HPSE2: variants seen among roughly 807,000 people sequenced by gnomAD.
HPSE2 encodes heparanase 2 (inactive).
Under a neutral mutation model 60.5 loss-of-function variants are expected in HPSE2, and 38 were observed. The observed-to-expected ratio is 0.63, with a 90% CI of 0.48 to 0.82. HPSE2 has a LOEUF of 0.82. Ranked by LOEUF, HPSE2 falls within the 40% of genes least tolerant of loss-of-function variation. HPSE2 has a pLI of 0.00. For synonymous variants in HPSE2, 295 were observed against 293.2 expected, an observed-to-expected ratio of 1.01 and a Z score of -0.06; for missense variants, 713 against 740.4, an observed-to-expected ratio of 0.96 and a Z score of 0.43.
Position 99,139,078 on chromosome 10 carries a change from T to C in HPSE2, c.610+5160A>G, listed in dbSNP as rs1845769222. 2.0e-5 allele frequency among the ~76,000 whole-genome samples: 3 copies of C among 152,162 alleles called. No individual in the cohort carries two copies. The South Asian group carries it at 6.2e-4, about 31-fold the overall frequency. ...ATAAGTGGATAAAGAAAATGGGACATATATACCATGAAATACTACTCAGCC... is the reference window on the plus strand; with the variant it reads ...ATAAGTGGATAAAGAAAATGGGACACATATACCATGAAATACTACTCAGCC... On this transcript the variant is annotated intron_variant, in intron 3 of 11. Coordinates refer to ENST00000370552, the MANE Select transcript of HPSE2 (RefSeq NM_021828.5).
At chr10:99,243,776 A>T in the HPSE2 span, among the ~76,000 whole-genome samples, 1 of 151,950 alleles carries the variant, frequency 6.6e-6, no homozygotes. Flanking sequence ...TCTCTACTAA[A>T]AGTACAAAAC....
intron 9 of HPSE2, among the ~76,000 whole-genome samples, chr10:98,518,503 C>T (rs1479617751): frequency 1.3e-5 from 2 of 151,910 alleles, no homozygotes; most frequent in Non-Finnish European, 2.9e-5. Flanking sequence ...GTCAGGAATT[C>T]GAGACCAACC....
rs191379043 is a variant in HPSE2 at position 98,625,115 on chromosome 10, A to G, written c.1099-4407T>C. ...ACAGGAGACTGTGTGTAACACAAAG[A>G]AGTTAATGCAATTCCATACCTGCCC... On this transcript the variant is annotated intron_variant, in intron 7 of 11. Transcript: ENST00000370552. Among the ~76,000 whole-genome samples, 198 of 152,382 alleles carry G rather than the reference A, an allele frequency of 1.3e-3. 4 individuals are homozygous for G. The South Asian group carries it at 0.026, about 20-fold the overall frequency.
At chr10:98,547,466 T>C (rs1156793992) in intron 9 of HPSE2, among the ~76,000 whole-genome samples, 2 of 150,302 alleles carry the variant, frequency 1.3e-5, no homozygotes, top group Non-Finnish European at 3.0e-5. Context: ...CATGGAATAC[T>C]ATGCAGCCAT....
In HPSE2 at chr10:98,762,700, T is replaced by C. The variant is rs1045748815; in HGVS notation, c.611-18644A>G. On this transcript the variant is annotated intron_variant, in intron 3 of 11. Transcript: ENST00000370552. Reference sequence around the variant, plus strand: ...AATTTACAGTCTGAACATAACCACATTGATCCCATACTTTTAAAAAAAAAT... The same window carrying C: ...AATTTACAGTCTGAACATAACCACACTGATCCCATACTTTTAAAAAAAAAT... Among the ~76,000 whole-genome samples, 5 of 93,392 alleles carry C rather than the reference T, an allele frequency of 5.4e-5. No individual in the cohort carries two copies. In the South Asian group the frequency reaches 1.2e-3, roughly 22 times the overall value. The allele number at this position is 93,392 out of a possible 152,430, so 61.3% of individuals were successfully genotyped here. A position where few individuals can be genotyped will look rare whatever the true frequency, so the allele number is the denominator to read the frequency against.
chr10:98,527,929 A>C (rs964376091), intron 9 of HPSE2, among the ~76,000 whole-genome samples: 4 of 152,200 alleles, frequency 2.6e-5, no homozygotes, highest in Non-Finnish European at 5.9e-5. Flanking sequence ...AATGTACCTG[A>C]ATAGTAAACT....
intron 11 of HPSE2, among the ~76,000 whole-genome samples, chr10:98,476,335 A>AGG (rs1215596172): frequency 1.0e-5 from 1 of 95,450 alleles, no homozygotes; most frequent in Admixed American, 1.3e-4. Flanking sequence ...GGGTGGGGGG[A>AGG]GGGGAGGGAT....
chr10:99,261,180 C>G, the HPSE2 span, among the ~76,000 whole-genome samples: 2 of 152,152 alleles, frequency 1.3e-5, no homozygotes, highest in African/African-American at 4.8e-5. Flanking sequence ...TCTGTTCCTT[C>G]AGTCTCCACC....
In HPSE2 at chr10:98,643,793, C is replaced by G. The variant is rs1946698222; in HGVS notation, c.1005-1853G>C. Among the ~76,000 whole-genome samples, 3 of 152,216 alleles carry G rather than the reference C, an allele frequency of 2.0e-5. No homozygotes were observed. In the South Asian group the frequency reaches 6.2e-4, roughly 32 times the overall value. On this transcript the variant is annotated intron_variant, in intron 6 of 11. Transcript: ENST00000370552. ...GTGTTAAAATTAAAAATAATTTATG[C>G]AATGCTAATCTAACACACATTTGAG...
chr10:99,067,845 C>T (rs935323403), intron 3 of HPSE2, among the ~76,000 whole-genome samples: 2 of 152,230 alleles, frequency 1.3e-5, no homozygotes, highest in African/African-American at 4.8e-5. Context: ...AATTTCTCCT[C>T]AGAAAATGGG....
At chr10:99,235,939 C>T, upstream of HPSE2, 1 of 672,580 alleles carries the variant, frequency 1.5e-6, no homozygotes, top group East Asian at 2.9e-5. Context: ...CACACACACA[C>T]TCTCTCTCTC....
intron 4 of HPSE2, among the ~76,000 whole-genome samples, chr10:98,725,877 A>G (rs1949062938): frequency 6.6e-6 from 1 of 152,228 alleles, no homozygotes; most frequent in Non-Finnish European, 1.5e-5. Context: ...CAAAAAACAC[A>G]TGAAAAAATG....
the HPSE2 span, among the ~76,000 whole-genome samples, chr10:99,271,200 A>G: frequency 2.0e-4 from 31 of 152,222 alleles, no homozygotes; most frequent in African/African-American, 7.2e-4. Context: ...CAGACTGTCA[A>G]TGTTTGCTGA....
chr10:98,958,432 T>C (rs1350881933), intron 3 of HPSE2, among the ~76,000 whole-genome samples: 3 of 152,092 alleles, frequency 2.0e-5, no homozygotes, highest in African/African-American at 4.8e-5. Context: ...CAGGAAAAGT[T>C]GAACTTTGAT....
chr10:99,280,982 C>T, the HPSE2 span, among the ~76,000 whole-genome samples: 1 of 152,074 alleles, frequency 6.6e-6, no homozygotes, highest in South Asian at 2.1e-4. Context: ...GGGCAGATTA[C>T]TTAACTTTCT....
chr10:99,224,561 T>C (rs940861262), intron 2 of HPSE2, among the ~76,000 whole-genome samples: 6 of 152,030 alleles, frequency 3.9e-5, no homozygotes, highest in East Asian at 1.9e-4. Context: ...TCCATTTTGA[T>C]GAAGGATTCT....
intron 3 of HPSE2, among the ~76,000 whole-genome samples, chr10:99,058,273 A>G (rs1958158293): frequency 6.6e-6 from 1 of 152,054 alleles, no homozygotes; most frequent in Admixed American, 6.6e-5. Context: ...AAAAGGGGGG[A>G]ATTGTATAGC....
chr10:98,543,396 G>A (rs1395190646), intron 9 of HPSE2, among the ~76,000 whole-genome samples: 2 of 152,040 alleles, frequency 1.3e-5, no homozygotes, highest in South Asian at 2.1e-4. Context: ...AAAGACCAAC[G>A]AGACTAGGAA....
chr10:99,144,170 A>G, intron 3 of HPSE2, 68 bp downstream of exon 3: 1 of 1,425,844 alleles, frequency 7.0e-7, no homozygotes, highest in Non-Finnish European at 9.9e-7. Context: ...AGACAGACAG[A>G]TGTGTACCCC....
Sources: gnomAD v4.1 joint callset for allele counts (sites outside exome capture counted in the v4.1 genomes callset) on GRCh38, gnomAD v4.1.1 for gene constraint, MANE v1.5 for transcripts, NCBI Gene and HGNC (gene_info 2026-07-23, HGNC 2026-07-21) for gene names.